EYA4: variants seen among roughly 807,000 people sequenced by gnomAD.
The protein encoded by EYA4 is protein phosphatase EYA4.
In EYA4, 31 loss-of-function variants were observed where a neutral mutation model predicts 87.9. The ratio of observed to expected loss-of-function variants is 0.35; its 90% CI spans 0.27 to 0.48. The LOEUF (loss-of-function observed/expected upper bound fraction) is 0.48. Ranked by LOEUF, EYA4 falls within the 20% of genes least tolerant of loss-of-function variation. The probability of loss-of-function intolerance (pLI) is 0.99; values close to 1 mark genes in which losing one functional copy is unlikely to be tolerated. For synonymous variants in EYA4, 263 were observed against 270.6 expected, an observed-to-expected ratio of 0.97 and a Z score of 0.28; for missense variants, 678 against 761.4, an observed-to-expected ratio of 0.89 and a Z score of 1.29.
At chr6:133,255,613 T>C (rs966438006) in intron 1 of EYA4, among the ~76,000 whole-genome samples, 2 of 152,156 alleles carry the variant, frequency 1.3e-5, no homozygotes, top group South Asian at 2.1e-4. Context: ...CATTTTTTTT[T>C]CTATATATGT....
intron 11 of EYA4, 39 bp from the exon 12 acceptor site, chr6:133,481,424 A>G (rs772877641): frequency 1.2e-6 from 2 of 1,601,150 alleles, no homozygotes; most frequent in South Asian, 2.2e-5. Context: ...TGATCTAAAA[A>G]TGAAGTGCTA....
chr6:133,311,839 G>A (rs1479153120), intron 2 of EYA4, among the ~76,000 whole-genome samples: 2 of 151,980 alleles, frequency 1.3e-5, no homozygotes, highest in African/African-American at 4.8e-5. Context: ...CTGGGACATA[G>A]TAATAAATTA....
chr6:133,357,272 A>G (rs1428013979), intron 2 of EYA4, among the ~76,000 whole-genome samples: 1 of 79,178 alleles, frequency 1.3e-5, no homozygotes, highest in Non-Finnish European at 2.7e-5. Flanking sequence ...CTCCGTCTCA[A>G]AAAAAAAAAA....
intron 3 of EYA4, among the ~76,000 whole-genome samples, chr6:133,393,541 A>T (rs752696746): frequency 6.6e-6 from 1 of 152,036 alleles, no homozygotes; most frequent in Admixed American, 6.6e-5. Flanking sequence ...GTGGAAGTAC[A>T]CTCCCTTCAG....
chr6:133,520,779 G>C (rs1800049085), intron 17 of EYA4, among the ~76,000 whole-genome samples: 1 of 152,152 alleles, frequency 6.6e-6, no homozygotes, highest in African/African-American at 2.4e-5. Flanking sequence ...TAGATCAAAG[G>C]AACAGAACAG....
At chr6:133,443,244 G>A (rs1399461800) in intron 3 of EYA4, among the ~76,000 whole-genome samples, 2 of 151,676 alleles carry the variant, frequency 1.3e-5, no homozygotes, top group East Asian at 3.9e-4. Context: ...GTTTGCTAGT[G>A]TTTATTAATT....
In EYA4 at chr6:133,414,964, G is replaced by A. The variant is rs191306130; in HGVS notation, c.84-31666G>A. ...GGGACATCAGAAATAAGCATTTCTGGAGCCTTTATTTTATGCCATATTTTT... is the reference window on the plus strand; with the variant it reads ...GGGACATCAGAAATAAGCATTTCTGAAGCCTTTATTTTATGCCATATTTTT... On this transcript the variant is annotated intron_variant, in intron 3 of 19. Coordinates refer to ENST00000355286, the MANE Select transcript of EYA4 (RefSeq NM_004100.5). Among the ~76,000 whole-genome samples the A allele has an allele frequency of 5.9e-5, 9 of 152,060 alleles. No individual in the cohort carries two copies. In the East Asian group the frequency reaches 1.4e-3, roughly 23 times the overall value.
intron 2 of EYA4, among the ~76,000 whole-genome samples, chr6:133,334,268 T>A (rs188841409): frequency 8.5e-5 from 13 of 152,258 alleles, no homozygotes; most frequent in Non-Finnish European, 1.9e-4. Context: ...TTGTCTGTGA[T>A]GTGCCTCAAA....
intron 14 of EYA4, chr6:133,506,410 G>A (rs1798627901): frequency 2.2e-6 from 1 of 463,602 alleles, no homozygotes. Context: ...AAATGTCTCT[G>A]AAGAGGAGAT....
chr6:133,411,155 C>A (rs1562389233), intron 3 of EYA4, among the ~76,000 whole-genome samples: 3 of 152,166 alleles, frequency 2.0e-5, no homozygotes, highest in Non-Finnish European at 2.9e-5. Flanking sequence ...ACTGTATAAA[C>A]AGAAGATAAC....
intron 10 of EYA4, among the ~76,000 whole-genome samples, chr6:133,467,582 T>C (rs1794961202): frequency 6.6e-6 from 1 of 152,116 alleles, no homozygotes; most frequent in Admixed American, 6.6e-5. Context: ...TTCAGACTAA[T>C]AGAATTTTAG....
At chr6:133,268,675 A>G (rs1374844077) in intron 1 of EYA4, among the ~76,000 whole-genome samples, 1 of 152,158 alleles carries the variant, frequency 6.6e-6, no homozygotes, top group Non-Finnish European at 1.5e-5. Flanking sequence ...TACTTGGGCC[A>G]GGGGACAGTT....
At chr6:133,459,247 G>A (rs1185994751) in intron 6 of EYA4, among the ~76,000 whole-genome samples, 1 of 152,096 alleles carries the variant, frequency 6.6e-6, no homozygotes, top group African/African-American at 2.4e-5. Context: ...GACGTTAATA[G>A]AAATTTGTAA....
chr6:133,331,475 A>G (rs916761627), intron 2 of EYA4, among the ~76,000 whole-genome samples: 12 of 152,234 alleles, frequency 7.9e-5, no homozygotes, highest in African/African-American at 2.7e-4. Flanking sequence ...CCAATTCATC[A>G]TTTAATTAAA....
chr6:133,488,789 A>G (rs1356841932), intron 13 of EYA4, among the ~76,000 whole-genome samples: 2 of 152,166 alleles, frequency 1.3e-5, no homozygotes, highest in Non-Finnish European at 2.9e-5. Flanking sequence ...GCCTTCCCAA[A>G]AAGGACAGGT....
intron 1 of EYA4, among the ~76,000 whole-genome samples, chr6:133,264,526 G>A (rs1020919700): frequency 6.6e-6 from 1 of 152,250 alleles, no homozygotes; most frequent in African/African-American, 2.4e-5. Context: ...GCCTGTACTG[G>A]CAGAGAGGAG....
intron 3 of EYA4, among the ~76,000 whole-genome samples, chr6:133,386,011 T>C (rs1786719203): frequency 6.6e-6 from 1 of 152,168 alleles, no homozygotes; most frequent in African/African-American, 2.4e-5. Context: ...TGTGATGTGC[T>C]TTGTGTAAAA....
chr6:133,402,721 T>TACACAC lies in EYA4; in HGVS notation c.83+20296_83+20301dup, dbSNP rs66487611. 3.1e-3 allele frequency among the ~76,000 whole-genome samples: 459 copies of TACACAC among 148,264 alleles called. 3 individuals are homozygous for TACACAC. Among genetic ancestry groups the TACACAC allele is most frequent in the African/African-American group, 0.011 (441 of 40,626 alleles). On this transcript the variant is annotated intron_variant, in intron 3 of 19. Transcript: ENST00000355286. ...TGTGCAATATAAAGATGAAATGTGA[T>TACACAC]ACACACACACACACACACACAGCCA...
At chr6:133,497,269 C>T (rs977665504) in intron 13 of EYA4, among the ~76,000 whole-genome samples, 6 of 152,178 alleles carry the variant, frequency 3.9e-5, no homozygotes, top group African/African-American at 1.4e-4. Context: ...ATGTGTGGAC[C>T]ACAGTAATGT....
Sources: gnomAD v4.1 joint callset for allele counts (sites outside exome capture counted in the v4.1 genomes callset) on GRCh38, gnomAD v4.1.1 for gene constraint, MANE v1.5 for transcripts, NCBI Gene and HGNC (gene_info 2026-07-23, HGNC 2026-07-21) for gene names.